CTU2: variants seen among roughly 807,000 people sequenced by gnomAD.
The protein encoded by CTU2 is cytoplasmic tRNA 2-thiolation protein 2.
A neutral mutation model predicts 64.1 loss-of-function variants in CTU2; 80 were observed. That is an observed-to-expected ratio of 1.25 (90% CI 1.04 to 1.50). The LOEUF is 1.50. Among genes scored for constraint, CTU2 ranks in the 40% most tolerant of loss-of-function variants. CTU2 has a pLI of 0.00. For synonymous variants in CTU2, 482 were observed against 285.3 expected, an observed-to-expected ratio of 1.69 and a Z score of -6.95; for missense variants, 1,110 against 690.2, an observed-to-expected ratio of 1.61 and a Z score of -6.81.
rs775684995 is a variant in CTU2, at chr16:88,714,924, T to G, written c.1417T>G (p.Leu473Val). 9 of 1,612,626 alleles carry G rather than the reference T, an allele frequency of 5.6e-6. No homozygotes were observed. In the South Asian group the frequency reaches 8.8e-5, roughly 16 times the overall value. Residue 473 changes from leucine to valine, a missense_variant and splice_region_variant, in exon 13 of 15, where the codon TTG (leucine) becomes GTG (valine). Transcript: ENST00000453996. Reference protein sequence around the residue: ...CYSCRVNMKDLPSLDPLPPYI... With the variant: ...CYSCRVNMKDVPSLDPLPPYI... ...CAGCTGCCGCGTGAACATGAAGGAC[T>G]TGGTGAGTACGTGCCCACCTGTCCT...
chr16:88,715,149 C>CG, intron 14 of CTU2, 33 bp from the exon 15 acceptor site: 1 of 1,609,332 alleles, frequency 6.2e-7, no homozygotes, highest in Non-Finnish European at 8.5e-7. Flanking sequence ...TAAGGGGCCT[C>CG]GGGGCTGGTG....
chr16:88,715,129 G>A, intron 14 of CTU2, 23 bp downstream of exon 14: 2 of 1,603,494 alleles, frequency 1.2e-6, no homozygotes, highest in South Asian at 1.1e-5. Context: ...ACACTGCCGT[G>A]GCGCGTGGGT....
At position 88,706,563 on chromosome 16, in the gene CTU2, G is replaced by T; in HGVS notation, c.33G>T (p.Pro11=). ...AGGTGGGCGAGGACTACGGGGAGCC[G>T]GCGCCTGAGGAGCCGCCCCCGGCGC... MCQVGEDYGE[P]APEEPPPAPR... Residue 11 remains proline (P), a synonymous_variant, in exon 1 of 15, where the codon CCG becomes CCT. Coordinates refer to ENST00000453996, the MANE Select transcript of CTU2 (RefSeq NM_001012759.3). The T allele has an allele frequency of 6.9e-7, 1 of 1,456,946 alleles. No homozygotes were observed. Among genetic ancestry groups the T allele is most frequent in the Non-Finnish European group, 9.0e-7 (1 of 1,111,436 alleles). 90.3% of individuals were successfully genotyped at this position (1,456,946 alleles called of 1,614,324 possible). A position where few individuals can be genotyped will look rare whatever the true frequency, so the allele number is the denominator to read the frequency against.
At position 88,711,672 on chromosome 16, in the gene CTU2, T is replaced by A. The variant is rs1433488459; in HGVS notation, c.320T>A (p.Val107Glu). The A allele has an allele frequency of 1.9e-6, 3 of 1,609,012 alleles. No homozygotes were observed. Among genetic ancestry groups the A allele is most frequent in the Non-Finnish European group, 2.5e-6 (3 of 1,176,968 alleles). ...GATTCTGCCAAAAGACTGCGCTTTG[T>A]GGCAGGAGTCATCTTTGTTGACGGT... ...SQDSAKRLRF[V>E]AGVIFVDEGA... The change falls in exon 5 of 15, where the codon GTG (valine) becomes GAG (glutamate). Residue 107 changes from valine (V) to glutamate (E), a missense_variant. Physicochemically the swap from Val to Glu is moderately radical, Grantham distance 121. Transcript: ENST00000453996.
At position 88,714,940 on chromosome 16, in the gene CTU2, CACCTG is replaced by C; in HGVS notation, c.1419+15_1419+19del. The C allele has an allele frequency of 6.2e-7, 1 of 1,612,338 alleles. No homozygotes were observed. Among genetic ancestry groups the C allele is most frequent in the South Asian group, 1.1e-5 (1 of 91,076 alleles). ...ATGAAGGACTTGGTGAGTACGTGCCCACCTGTCCTGGGCCGGGCTTGGGGACGCGG... is the reference window on the plus strand; with the variant it reads ...ATGAAGGACTTGGTGAGTACGTGCCCTCCTGGGCCGGGCTTGGGGACGCGG... On this transcript the variant is annotated intron_variant, in intron 13 of 14. Coordinates refer to ENST00000453996, the MANE Select transcript of CTU2 (RefSeq NM_001012759.3).
At chr16:88,708,949 G>A (rs1051138208) in intron 2 of CTU2, 1 of 152,216 alleles carries the variant, frequency 6.6e-6, no homozygotes, top group Non-Finnish European at 1.5e-5. Context: ...GACGTAGTGA[G>A]CCAGAGTCAG....
chr16:88,706,896 G>C (rs960907928), intron 1 of CTU2: 1 of 574,184 alleles, frequency 1.7e-6, no homozygotes, highest in East Asian at 2.8e-5. Context: ...TCAGCCTTGG[G>C]AGACTGAAAA....
chr16:88,708,867 G>A (rs1184964545), intron 2 of CTU2: 1 of 152,170 alleles, frequency 6.6e-6, no homozygotes, highest in East Asian at 1.9e-4. Context: ...CAGACTCCTA[G>A]GCCTCACCCC....
At position 88,712,798 on chromosome 16, in the gene CTU2, C is replaced by G. The variant is rs771492797; in HGVS notation, c.630C>G (p.Pro210=). The G allele has an allele frequency of 1.2e-6, 2 of 1,607,978 alleles. No individual in the cohort carries two copies. The highest frequency in any genetic ancestry group is 1.7e-6 in the Non-Finnish European group (2 of 1,177,828). ...EEQPPQPPLD[P]QNLARPPAPA... is the part of the protein sequence containing the mutation. ...AGCCACCCCAGCCCCCGCTGGACCC[C>G]CAGAACCTGGCAAGACCGCCTGCCC... The change falls in exon 7 of 15, where the codon CCC becomes CCG. Residue 210 remains proline, a synonymous_variant. Coordinates refer to ENST00000453996, the MANE Select transcript of CTU2 (RefSeq NM_001012759.3).
intron 4 of CTU2, 134 bp from the exon 5 acceptor site, chr16:88,711,501 A>G (rs2093635697): frequency 3.4e-6 from 3 of 891,314 alleles, no homozygotes; most frequent in Non-Finnish European, 3.3e-6. Context: ...GGCTTTGTCC[A>G]ATAAACGCAA....
At chr16:88,708,775 A>ACT (rs1436641941) in intron 2 of CTU2, among the ~76,000 whole-genome samples, 1 of 151,928 alleles carries the variant, frequency 6.6e-6, no homozygotes, top group East Asian at 1.9e-4. Context: ...GTGCAGGGTG[A>ACT]CTCTTGCAGT....
rs1597420202 is a variant in CTU2 at position 88,707,068 on chromosome 16, C to T, written c.69-68C>T. 4 of 1,521,902 alleles carry T rather than the reference C, an allele frequency of 2.6e-6. No homozygotes were observed. In the South Asian group the frequency reaches 3.4e-5, roughly 13 times the overall value. 94.3% of individuals were successfully genotyped at this position (1,521,902 alleles called of 1,614,324 possible). A position where few individuals can be genotyped will look rare whatever the true frequency, so the allele number is the denominator to read the frequency against. On this transcript the variant is annotated intron_variant, in intron 1 of 14. Coordinates refer to ENST00000453996, the MANE Select transcript of CTU2 (RefSeq NM_001012759.3). ...GGGTGAGAAACAGGAGCTGTCTCCC[C>T]AAAGCCCACTAGGCGTGGGGAAGAT... is the stretch of plus-strand genomic sequence containing the variant.
rs971192731 is a variant in CTU2, at chr16:88,710,435, A to G, written c.282+153A>G. 7.3e-6 allele frequency: 5 copies of G among 686,716 alleles called. No homozygotes were observed. The South Asian group carries it at 7.3e-5, about 10-fold the overall frequency. The allele number at this position is 686,716 out of a possible 1,614,324, so 42.5% of individuals were successfully genotyped here. ...TGGGGGGTTCTCAGATGTGTTCACA[A>G]CAGGTGCACCAATCAGGAGCTGAGT... On this transcript the variant is annotated intron_variant, in intron 4 of 14. Transcript: ENST00000453996.
At position 88,712,807 on chromosome 16, in the gene CTU2, G is replaced by C. The variant is rs1911450418; in HGVS notation, c.639G>C (p.Leu213=). 2 of 1,606,542 alleles carry C rather than the reference G, an allele frequency of 1.2e-6. No individual in the cohort carries two copies. The highest frequency in any genetic ancestry group is 1.7e-6 in the Non-Finnish European group (2 of 1,177,078). ...PPQPPLDPQN[L]ARPPAPAQTE... is the part of the protein sequence containing the mutation. ...AGCCCCCGCTGGACCCCCAGAACCTGGCAAGACCGCCTGCCCCTGCCCAGA... is the reference window on the plus strand; with the variant it reads ...AGCCCCCGCTGGACCCCCAGAACCTCGCAAGACCGCCTGCCCCTGCCCAGA... Residue 213 remains leucine, a synonymous_variant, in exon 7 of 15, where the codon CTG becomes CTC. Transcript: ENST00000453996.
At chr16:88,709,698 G>A (rs965662596) in intron 2 of CTU2, 2 of 545,172 alleles carry the variant, frequency 3.7e-6, no homozygotes, top group Non-Finnish European at 3.3e-6. Flanking sequence ...CAGCCTCCGT[G>A]GCTGTGCAGT....
chr16:88,707,281 G>A, intron 2 of CTU2, 71 bp downstream of exon 2: 1 of 1,354,102 alleles, frequency 7.4e-7, no homozygotes, highest in Non-Finnish European at 1.1e-6. Flanking sequence ...CGCAACTTGT[G>A]ATGCTTTGTT....
At position 88,712,592 on chromosome 16, in the gene CTU2, G is replaced by A. The variant is rs1167282858; in HGVS notation, c.454-30G>A. 6 of 1,600,000 alleles carry A rather than the reference G, an allele frequency of 3.8e-6. No individual in the cohort carries two copies. The African/African-American group carries it at 6.7e-5, about 18-fold the overall frequency. On this transcript the variant is annotated intron_variant, in intron 6 of 14. Coordinates refer to ENST00000453996, the MANE Select transcript of CTU2 (RefSeq NM_001012759.3). ...TGGGGGGCACCTGCCCGTGTCCCGGGCCTCACTGGCGTCTCCCTCATCCCG... is the reference window on the plus strand; with the variant it reads ...TGGGGGGCACCTGCCCGTGTCCCGGACCTCACTGGCGTCTCCCTCATCCCG...
rs141896575 is a variant in CTU2, at chr16:88,708,627, A to G, written c.144-1311A>G. On this transcript the variant is annotated intron_variant, in intron 2 of 14. Transcript: ENST00000453996. ...CTCACCTGGCATCTTGCTGTTAAAC[A>G]CAGACTTGCTTTACTGTCTGTAAAG... 6.8e-3 allele frequency among the ~76,000 whole-genome samples: 1,029 copies of G among 152,212 alleles called. 7 individuals carry two copies. The highest frequency in any genetic ancestry group is 0.023 in the African/African-American group (973 of 41,504).
chr16:88,714,352 T>C (rs752643561), intron 10 of CTU2, 31 bp from the exon 11 acceptor site: 1 of 1,610,394 alleles, frequency 6.2e-7, no homozygotes, highest in East Asian at 2.2e-5. Context: ...GCCCGTGTGA[T>C]TCACCTGCTC....
Sources: allele counts gnomAD v4.1 joint callset (sites outside exome capture counted in the v4.1 genomes callset), GRCh38; gene constraint gnomAD v4.1.1; transcripts MANE v1.5; gene names NCBI Gene and HGNC (gene_info 2026-07-23, HGNC 2026-07-21).